PEBP4: variants seen among roughly 807,000 people sequenced by gnomAD.
PEBP4 encodes the protein phosphatidylethanolamine-binding protein 4.
A neutral mutation model predicts 23.9 loss-of-function variants in PEBP4; 22 were observed. That is an observed-to-expected ratio of 0.92 (90% CI 0.66 to 1.31). The LOEUF (loss-of-function observed/expected upper bound fraction) is 1.31. Among genes scored for constraint, PEBP4 ranks in the 40% most tolerant of loss-of-function variants. The pLI is 0.00. For missense variants in PEBP4, 324 were observed against 281.7 expected (o/e 1.15, Z -1.07); for synonymous variants, 112 against 99.3 (o/e 1.13, Z -0.76).
At chr8:22,904,505 C>T (rs1808771395) in intron 3 of PEBP4, among the ~76,000 whole-genome samples, 1 of 152,132 alleles carries the variant, frequency 6.6e-6, no homozygotes, top group South Asian at 2.1e-4. Flanking sequence ...TAGCGTTCAC[C>T]CCCCGTCCCC....
chr8:22,785,471 G>T (rs1178468477), intron 4 of PEBP4, among the ~76,000 whole-genome samples: 1 of 152,152 alleles, frequency 6.6e-6, no homozygotes, highest in Non-Finnish European at 1.5e-5. Flanking sequence ...CTCTGGAATG[G>T]GGTAAGGCTC....
intron 3 of PEBP4, 148 bp from the exon 4 acceptor site, chr8:22,817,883 A>G: frequency 1.5e-6 from 1 of 683,298 alleles, no homozygotes; most frequent in Non-Finnish European, 2.6e-6. Context: ...CTCTCGTGAC[A>G]TCCCTCTCAC....
intron 4 of PEBP4, among the ~76,000 whole-genome samples, chr8:22,739,678 T>A (rs1804947590): frequency 6.6e-6 from 1 of 152,132 alleles, no homozygotes; most frequent in East Asian, 1.9e-4. Flanking sequence ...CTCCCCACAG[T>A]TCTGGAGAGT....
At chr8:22,830,210 G>A (rs771137103) in intron 3 of PEBP4, among the ~76,000 whole-genome samples, 1 of 150,170 alleles carries the variant, frequency 6.7e-6, no homozygotes, top group African/African-American at 2.5e-5. Context: ...GCTAACTGCA[G>A]TCTCCACCTC....
intron 3 of PEBP4, among the ~76,000 whole-genome samples, chr8:22,917,677 C>G (rs1248524856): frequency 6.6e-6 from 1 of 152,216 alleles, no homozygotes; most frequent in Non-Finnish European, 1.5e-5. Context: ...TCTGATCAAT[C>G]ACACCTTGAC....
chr8:22,889,390 C>G (rs1467974500), intron 3 of PEBP4, among the ~76,000 whole-genome samples: 1 of 152,208 alleles, frequency 6.6e-6, no homozygotes, highest in Non-Finnish European at 1.5e-5. Flanking sequence ...GGAAGCTGGG[C>G]TTTGGGGAGA....
chr8:22,856,804 T>G (rs908809385), intron 3 of PEBP4, among the ~76,000 whole-genome samples: 1 of 152,102 alleles, frequency 6.6e-6, no homozygotes, highest in Non-Finnish European at 1.5e-5. Context: ...TCTTCTAGGA[T>G]CTTACCCCCA....
chr8:22,749,493 TG>T (rs1279925859), intron 4 of PEBP4, among the ~76,000 whole-genome samples: 2 of 152,110 alleles, frequency 1.3e-5, no homozygotes, highest in Non-Finnish European at 2.9e-5. Context: ...TGGTCAGGGG[TG>T]TCACCAGCAA....
At chr8:22,770,794 GA>G (rs1315564606) in intron 4 of PEBP4, among the ~76,000 whole-genome samples, 1 of 152,184 alleles carries the variant, frequency 6.6e-6, no homozygotes, top group African/African-American at 2.4e-5. Context: ...TGGTTTAACG[GA>G]AAGCACACGT....
chr8:22,930,297 G>C (rs911320529), upstream of PEBP4, among the ~76,000 whole-genome samples: 6 of 152,112 alleles, frequency 3.9e-5, no homozygotes, highest in Non-Finnish European at 7.3e-5. Context: ...TTTCCTAAGA[G>C]AAACTTGCTC....
chr8:22,892,997 G>C (rs1808523881), intron 3 of PEBP4, among the ~76,000 whole-genome samples: 1 of 152,170 alleles, frequency 6.6e-6, no homozygotes, highest in African/African-American at 2.4e-5. Context: ...TGTGCGGGGA[G>C]AGAACTGTGG....
At chr8:22,875,605 C>T (rs918351142) in intron 3 of PEBP4, among the ~76,000 whole-genome samples, 8 of 152,264 alleles carry the variant, frequency 5.3e-5, no homozygotes, top group Admixed American at 1.3e-4. Context: ...CTTGGGACCC[C>T]GCTTCACAGT....
intron 4 of PEBP4, among the ~76,000 whole-genome samples, chr8:22,813,905 G>T (rs745459401): frequency 1.3e-5 from 2 of 152,158 alleles, no homozygotes; most frequent in Admixed American, 1.3e-4. Context: ...TGGGGGTCTC[G>T]TAATACCACC....
At chr8:22,741,104 G>A (rs371368471) in intron 4 of PEBP4, among the ~76,000 whole-genome samples, 4 of 152,164 alleles carry the variant, frequency 2.6e-5, no homozygotes, top group Admixed American at 6.5e-5. Context: ...ATGAGGGTGC[G>A]GGGCAGCCCC....
intron 5 of PEBP4, 71 bp from the exon 6 acceptor site, chr8:22,725,027 C>T (rs1804595726): frequency 8.2e-6 from 11 of 1,344,802 alleles, no homozygotes; most frequent in Non-Finnish European, 1.2e-5. Context: ...CTCTGCCTTC[C>T]CATGGTCCTG....
At chr8:22,905,683 G>A (rs998179712) in intron 3 of PEBP4, among the ~76,000 whole-genome samples, 1 of 152,248 alleles carries the variant, frequency 6.6e-6, no homozygotes, top group African/African-American at 2.4e-5. Flanking sequence ...TGCCTGGACA[G>A]GTCAGAGGCG....
chr8:22,812,237 A>G (rs1272781897), intron 4 of PEBP4, among the ~76,000 whole-genome samples: 1 of 152,156 alleles, frequency 6.6e-6, no homozygotes, highest in Non-Finnish European at 1.5e-5. Context: ...TGCTACCCAC[A>G]TAACTAGAAA....
intron 1 of PEBP4, among the ~76,000 whole-genome samples, chr8:22,937,629 G>T (rs1360740826): frequency 6.6e-6 from 1 of 152,012 alleles, no homozygotes; most frequent in African/African-American, 2.4e-5. Flanking sequence ...AGTCAAAACA[G>T]TCTTGAAAAG....
chr8:22,789,573 T>C (rs527552787), intron 4 of PEBP4, among the ~76,000 whole-genome samples: 14 of 152,188 alleles, frequency 9.2e-5, no homozygotes, highest in African/African-American at 3.1e-4. Flanking sequence ...CCTATGCAGC[T>C]CAAAGCTGCT....
Sources: gnomAD v4.1 joint callset for allele counts (sites outside exome capture counted in the v4.1 genomes callset) on GRCh38, gnomAD v4.1.1 for gene constraint, MANE v1.5 for transcripts, NCBI Gene and HGNC (gene_info 2026-07-23, HGNC 2026-07-21) for gene names.